Variants in PDE1A observed in about 807,000 individuals in gnomAD.
The protein encoded by PDE1A is dual specificity calcium/calmodulin-dependent 3',5'-cyclic nucleotide phosphodiesterase 1A.
Under a neutral mutation model 61.7 loss-of-function variants are expected in PDE1A, and 35 were observed. The ratio of observed to expected loss-of-function variants is 0.57; its 90% CI spans 0.43 to 0.75. PDE1A has a LOEUF of 0.75. Ranked by LOEUF, PDE1A falls within the 30% of genes least tolerant of loss-of-function variation. The pLI is 0.00. For synonymous variants in PDE1A, 232 were observed against 213.2 expected, an observed-to-expected ratio of 1.09 and a Z score of -0.77; for missense variants, 597 against 630.6, an observed-to-expected ratio of 0.95 and a Z score of 0.57.
At chr2:182,626,752 TATATATATAC>T in the PDE1A span, among the ~76,000 whole-genome samples, 91 of 21,550 alleles carry the variant, frequency 4.2e-3, 7 homozygotes, top group African/African-American at 8.4e-3. Context: ...TATATACATA[TATATATATAC>T]ATATATATAC....
chr2:182,168,680 T>C (rs1209528046), intron 13 of PDE1A, among the ~76,000 whole-genome samples: 1 of 152,172 alleles, frequency 6.6e-6, no homozygotes, highest in African/African-American at 2.4e-5. Context: ...TAACAAATAG[T>C]ATGCAATGCA....
At chr2:182,655,291 T>A in the PDE1A span, among the ~76,000 whole-genome samples, 1 of 152,132 alleles carries the variant, frequency 6.6e-6, no homozygotes, top group East Asian at 1.9e-4. Context: ...TGTCTAAAGG[T>A]TCTGGCTTCT....
At chr2:182,181,140 G>A (rs1684724729) in intron 13 of PDE1A, among the ~76,000 whole-genome samples, 1 of 152,036 alleles carries the variant, frequency 6.6e-6, no homozygotes, top group Admixed American at 6.6e-5. Flanking sequence ...CTGGAGAAGT[G>A]TTACAATCAT....
the PDE1A span, among the ~76,000 whole-genome samples, chr2:182,561,840 T>C: frequency 7.9e-5 from 12 of 152,206 alleles, no homozygotes; most frequent in Admixed American, 5.2e-4. Context: ...AGTTCACTCA[T>C]GATTTGGCTC....
At chr2:182,628,132 A>C in the PDE1A span, among the ~76,000 whole-genome samples, 1 of 152,132 alleles carries the variant, frequency 6.6e-6, no homozygotes. Flanking sequence ...CAACTAACTG[A>C]CTTCAGAGGA....
the PDE1A span, among the ~76,000 whole-genome samples, chr2:182,711,255 C>G: frequency 6.6e-6 from 1 of 152,076 alleles, no homozygotes; most frequent in African/African-American, 2.4e-5. Context: ...GGCAATCACA[C>G]AGGGGATGAT....
the PDE1A span, among the ~76,000 whole-genome samples, chr2:182,533,524 T>TTGA: frequency 2.0e-5 from 3 of 151,986 alleles, no homozygotes; most frequent in Admixed American, 2.0e-4. Context: ...ATTACTGACA[T>TTGA]TCTCAGCTCA....
chr2:182,684,682 C>G, the PDE1A span, among the ~76,000 whole-genome samples: 1 of 152,160 alleles, frequency 6.6e-6, no homozygotes, highest in Non-Finnish European at 1.5e-5. Context: ...TCCCGAGCAG[C>G]TGGGATTACA....
chr2:182,561,327 G>T, the PDE1A span, among the ~76,000 whole-genome samples: 2 of 152,076 alleles, frequency 1.3e-5, no homozygotes, highest in South Asian at 2.1e-4. Flanking sequence ...TTTCCCCATT[G>T]CTTGTTTTTC....
At chr2:182,231,296 G>C (rs931823764) in intron 4 of PDE1A, among the ~76,000 whole-genome samples, 165 bp from the exon 5 acceptor site, 3 of 152,144 alleles carry the variant, frequency 2.0e-5, no homozygotes, top group Admixed American at 2.0e-4. Flanking sequence ...TAGTATCCAT[G>C]GGTCCACAAA....
chr2:182,415,978 A>C (rs1379028065), intron 1 of PDE1A, among the ~76,000 whole-genome samples: 2 of 152,150 alleles, frequency 1.3e-5, no homozygotes, highest in African/African-American at 4.8e-5. Context: ...ATAAAAACTA[A>C]ATCTGTAATG....
intron 1 of PDE1A, among the ~76,000 whole-genome samples, chr2:182,324,341 C>T (rs945239501): frequency 3.3e-5 from 5 of 151,664 alleles, no homozygotes; most frequent in African/African-American, 1.2e-4. Flanking sequence ...AACTTGCATA[C>T]AAGATAATCG....
the PDE1A span, among the ~76,000 whole-genome samples, chr2:182,641,557 T>C: frequency 3.3e-5 from 5 of 152,200 alleles, no homozygotes; most frequent in Admixed American, 2.0e-4. Context: ...TTTATTCATC[T>C]CATTTATAAA....
intron 3 of PDE1A, among the ~76,000 whole-genome samples, chr2:182,234,959 G>C (rs1326666397): frequency 6.6e-6 from 1 of 152,056 alleles, no homozygotes; most frequent in Non-Finnish European, 1.5e-5. Context: ...AGTATCATCA[G>C]AATTTACATA....
chr2:182,492,535 T>C (rs1559510616), intron 2 of PDE1A, among the ~76,000 whole-genome samples: 1 of 151,918 alleles, frequency 6.6e-6, no homozygotes, highest in African/African-American at 2.4e-5. Flanking sequence ...CTTTCTGAAA[T>C]TCTGAGCTTA....
the PDE1A span, among the ~76,000 whole-genome samples, chr2:182,640,823 C>T: frequency 6.6e-6 from 1 of 151,720 alleles, no homozygotes; most frequent in East Asian, 1.9e-4. Context: ...AGTTCAAGAC[C>T]AGACTGGTCA....
chr2:182,522,326 C>T, exon 2 of PDE1A: 4 of 1,613,628 alleles, frequency 2.5e-6, no homozygotes, highest in South Asian at 1.1e-5. Context: ...CTGTAAGATA[C>T]TTAAAAGTGG....
the PDE1A span, among the ~76,000 whole-genome samples, chr2:182,634,573 G>A: frequency 1.3e-5 from 2 of 152,160 alleles, no homozygotes; most frequent in Non-Finnish European, 2.9e-5. Flanking sequence ...GATCCTATTA[G>A]CATTTTCTGA....
chr2:182,290,025 G>C (rs1559300218), intron 1 of PDE1A, among the ~76,000 whole-genome samples: 1 of 151,550 alleles, frequency 6.6e-6, no homozygotes, highest in Non-Finnish European at 1.5e-5. Context: ...AATTTTGCTA[G>C]AAAAAAATGC....
Sources: allele counts gnomAD v4.1 joint callset (sites outside exome capture counted in the v4.1 genomes callset), GRCh38; gene constraint gnomAD v4.1.1; transcripts MANE v1.5; gene names NCBI Gene and HGNC (gene_info 2026-07-23, HGNC 2026-07-21).